FSTL4: variants seen among roughly 807,000 people sequenced by gnomAD.
The protein encoded by FSTL4 is follistatin-related protein 4.
Under a neutral mutation model 78.2 loss-of-function variants are expected in FSTL4, and 28 were observed. That is an observed-to-expected ratio of 0.36 (90% confidence interval 0.27 to 0.49). The LOEUF (loss-of-function observed/expected upper bound fraction) is 0.49, where lower values mean the gene tolerates loss of function less well. Ranked by LOEUF, FSTL4 falls within the 20% of genes least tolerant of loss-of-function variation. The pLI, the probability that FSTL4 is intolerant of heterozygous loss-of-function variation, is 0.98. For missense variants in FSTL4, 922 were observed against 1,084.9 expected (o/e 0.85, Z 2.11); for synonymous variants, 422 against 440.5 (o/e 0.96, Z 0.53).
At chr5:133,405,471 T>A (rs1453713513) in intron 3 of FSTL4, among the ~76,000 whole-genome samples, 1 of 152,172 alleles carries the variant, frequency 6.6e-6, no homozygotes, top group East Asian at 1.9e-4. Context: ...CATGGCCTTA[T>A]ATACTTTATC....
At chr5:133,647,605 C>A in the FSTL4 span, among the ~76,000 whole-genome samples, 1 of 152,164 alleles carries the variant, frequency 6.6e-6, no homozygotes, top group Non-Finnish European at 1.5e-5. Flanking sequence ...CAGGAGATAG[C>A]ACACAGCTAA....
At chr5:133,332,265 G>A (rs1435025040) in intron 4 of FSTL4, among the ~76,000 whole-genome samples, 2 of 152,220 alleles carry the variant, frequency 1.3e-5, no homozygotes, top group Non-Finnish European at 2.9e-5. Context: ...TTTGGCAGAT[G>A]TGCTGGCTCT....
At chr5:133,413,755 A>G (rs1008172208) in intron 3 of FSTL4, among the ~76,000 whole-genome samples, 2 of 152,020 alleles carry the variant, frequency 1.3e-5, no homozygotes, top group Non-Finnish European at 2.9e-5. Flanking sequence ...TGCATTCTGT[A>G]TAATTTTTCA....
At chr5:133,732,579 C>G in the FSTL4 span, among the ~76,000 whole-genome samples, 4 of 152,188 alleles carry the variant, frequency 2.6e-5, no homozygotes, top group Admixed American at 2.0e-4. Flanking sequence ...TACCATCTCA[C>G]CAGTACTGCT....
At chr5:133,410,726 G>GA (rs894370192) in intron 3 of FSTL4, among the ~76,000 whole-genome samples, 15 of 151,932 alleles carry the variant, frequency 9.9e-5, no homozygotes, top group South Asian at 4.2e-4. Flanking sequence ...TACTTTTAAA[G>GA]AAAAAAATGG....
At chr5:133,449,339 T>G (rs1242208620) in intron 3 of FSTL4, among the ~76,000 whole-genome samples, 1 of 152,152 alleles carries the variant, frequency 6.6e-6, no homozygotes, top group Admixed American at 6.5e-5. Flanking sequence ...AACCCCATCA[T>G]GTGGAGTTCC....
intron 3 of FSTL4, among the ~76,000 whole-genome samples, chr5:133,465,420 T>A (rs1580726453): frequency 6.6e-6 from 1 of 152,234 alleles, no homozygotes. Flanking sequence ...TCTTGTTACT[T>A]TCCCCCCAAA....
rs1161460657 is a variant in FSTL4 at position 133,308,178 on chromosome 5, G to A, written c.727+4476C>T. ...ACCAAGGGCAGTGAATCAGTTCTTC[G>A]GCCACTTTATTTGCAAATCCTGTGT... On this transcript the variant is annotated intron_variant, in intron 6 of 15. Coordinates refer to ENST00000265342, the MANE Select transcript of FSTL4 (RefSeq NM_015082.2). 2.6e-5 allele frequency among the ~76,000 whole-genome samples: 4 copies of A among 152,242 alleles called. No homozygotes were observed. The East Asian group carries it at 5.8e-4, about 22-fold the overall frequency.
chr5:133,510,865 C>G (rs1460012909), intron 3 of FSTL4, among the ~76,000 whole-genome samples: 1 of 152,098 alleles, frequency 6.6e-6, no homozygotes, highest in Non-Finnish European at 1.5e-5. Context: ...CGCTGGTTCT[C>G]TCCTCTGACG....
At chr5:133,633,451 T>C in the FSTL4 span, among the ~76,000 whole-genome samples, 1 of 152,226 alleles carries the variant, frequency 6.6e-6, no homozygotes, top group African/African-American at 2.4e-5. Flanking sequence ...TTTCAGCTTT[T>C]ACATTTTTAT....
intron 3 of FSTL4, among the ~76,000 whole-genome samples, chr5:133,494,473 T>G (rs1758331014): frequency 6.6e-6 from 1 of 152,124 alleles, no homozygotes; most frequent in Admixed American, 6.5e-5. Context: ...GTTACTAATG[T>G]CCCCAGCAGA....
intron 2 of FSTL4, among the ~76,000 whole-genome samples, chr5:133,573,383 T>C (rs1299473578): frequency 6.6e-6 from 1 of 152,192 alleles, no homozygotes; most frequent in Non-Finnish European, 1.5e-5. Flanking sequence ...ACAAAAAGGC[T>C]GAATGTAAAG....
chr5:133,281,405 A>T (rs1753007739), intron 6 of FSTL4, among the ~76,000 whole-genome samples: 1 of 152,044 alleles, frequency 6.6e-6, no homozygotes, highest in Non-Finnish European at 1.5e-5. Flanking sequence ...CCTGCCTCGC[A>T]CTCTGCTAAG....
the FSTL4 span, among the ~76,000 whole-genome samples, chr5:133,713,320 A>G: frequency 2.0e-5 from 3 of 152,192 alleles, no homozygotes; most frequent in Non-Finnish European, 4.4e-5. Flanking sequence ...CAAACCCATA[A>G]AAAAGCAAAG....
At chr5:133,776,241 A>T in the FSTL4 span, among the ~76,000 whole-genome samples, 1 of 152,194 alleles carries the variant, frequency 6.6e-6, no homozygotes, top group African/African-American at 2.4e-5. Context: ...AATGGGAGGT[A>T]CCAGCAGCCA....
chr5:133,816,378 G>C, the FSTL4 span, among the ~76,000 whole-genome samples: 1 of 152,198 alleles, frequency 6.6e-6, no homozygotes, highest in African/African-American at 2.4e-5. Flanking sequence ...TAGGATGCAG[G>C]TTGTCTCTGC....
intron 3 of FSTL4, among the ~76,000 whole-genome samples, chr5:133,511,107 G>A (rs1405823742): frequency 6.6e-6 from 1 of 152,102 alleles, no homozygotes; most frequent in Non-Finnish European, 1.5e-5. Context: ...AAGGCCACAG[G>A]CCATGCCTTC....
chr5:133,296,592 C>T (rs1054369867), intron 6 of FSTL4, among the ~76,000 whole-genome samples: 15 of 152,164 alleles, frequency 9.9e-5, no homozygotes, highest in African/African-American at 2.2e-4. Context: ...GACTGCGTGG[C>T]GAGTGCCCTC....
intron 13 of FSTL4, 122 bp from the exon 14 acceptor site, chr5:133,210,420 A>G: frequency 2.0e-6 from 1 of 506,830 alleles, no homozygotes; most frequent in East Asian, 3.0e-5. Flanking sequence ...CAATGGTTCC[A>G]TTTGGGAACC....
Sources: allele counts gnomAD v4.1 joint callset (sites outside exome capture counted in the v4.1 genomes callset), GRCh38; gene constraint gnomAD v4.1.1; transcripts MANE v1.5; gene names NCBI Gene and HGNC (gene_info 2026-07-23, HGNC 2026-07-21).